BPNT2: variants seen among roughly 807,000 people sequenced by gnomAD.
BPNT2 encodes Golgi-resident adenosine 3',5'-bisphosphate 3'-phosphatase.
Under a neutral mutation model 29.3 loss-of-function variants are expected in BPNT2, and 11 were observed. The ratio of observed to expected loss-of-function variants is 0.38; its 90% CI spans 0.24 to 0.62. The LOEUF (loss-of-function observed/expected upper bound fraction) is 0.62, where lower values mean the gene tolerates loss of function less well. Ranked by LOEUF, BPNT2 falls within the 20% of genes least tolerant of loss-of-function variation. The probability of loss-of-function intolerance (pLI) is 0.62; values close to 1 mark genes in which losing one functional copy is unlikely to be tolerated. For synonymous variants in BPNT2, 195 were observed against 187.7 expected (o/e 1.04, Z -0.32); for missense variants, 459 against 473.4 (o/e 0.97, Z 0.28).
chr8:56,978,849 T>G (rs1806191878), intron 2 of BPNT2, among the ~76,000 whole-genome samples: 2 of 152,054 alleles, frequency 1.3e-5, no homozygotes, highest in South Asian at 4.1e-4. Flanking sequence ...TGAGAACACA[T>G]GGACACATAG....
In BPNT2 at chr8:56,967,372, A is replaced by G. The variant is rs117393807; in HGVS notation, c.647-1020T>C. Among the ~76,000 whole-genome samples, 106 of 152,316 alleles carry G rather than the reference A, an allele frequency of 7.0e-4. 1 individual carries two copies. The East Asian group carries it at 0.017, about 24-fold the overall frequency. Reference sequence around the variant, plus strand: ...AGAAATACCCATGCTCTGTACCTACAGAGTAAGTAGGAGACAGAAGAGAGC... The same window carrying G: ...AGAAATACCCATGCTCTGTACCTACGGAGTAAGTAGGAGACAGAAGAGAGC... On this transcript the variant is annotated intron_variant, in intron 3 of 4. Transcript: ENST00000262644.
intron 3 of BPNT2, among the ~76,000 whole-genome samples, chr8:56,971,773 T>A: frequency 9.2e-6 from 1 of 108,488 alleles, no homozygotes; most frequent in South Asian, 3.3e-4. Flanking sequence ...ACTGAAATAA[T>A]TTTGTACCAC....
intron 1 of BPNT2, among the ~76,000 whole-genome samples, chr8:56,988,711 A>G (rs562988491): frequency 1.3e-5 from 2 of 152,298 alleles, no homozygotes; most frequent in African/African-American, 2.4e-5. Flanking sequence ...GTTTCTTCAG[A>G]CCTTCAGACT....
chr8:56,985,915 T>C (rs545683826), intron 1 of BPNT2, among the ~76,000 whole-genome samples: 41 of 152,364 alleles, frequency 2.7e-4, no homozygotes, highest in Non-Finnish European at 3.8e-4. Context: ...CATCACTTTC[T>C]GGCTTAGGCA....
chr8:56,986,191 CAATTT>C (rs771714830), intron 1 of BPNT2, among the ~76,000 whole-genome samples: 49 of 152,136 alleles, frequency 3.2e-4, no homozygotes, highest in Non-Finnish European at 6.5e-4. Context: ...ACGTGTGAAT[CAATTT>C]AATTTGAGTC....
At chr8:56,976,966 T>C (rs772644491) in intron 3 of BPNT2, among the ~76,000 whole-genome samples, 11 of 152,192 alleles carry the variant, frequency 7.2e-5, no homozygotes, top group Non-Finnish European at 1.5e-4. Context: ...AATTCCATAC[T>C]GGACCTCATG....
intron 3 of BPNT2, among the ~76,000 whole-genome samples, chr8:56,972,263 G>A (rs1806050535): frequency 6.6e-6 from 1 of 151,812 alleles, no homozygotes; most frequent in African/African-American, 2.4e-5. Context: ...TAACACCCAT[G>A]AGACTCATTT....
intron 1 of BPNT2, among the ~76,000 whole-genome samples, chr8:56,992,071 G>GA (rs1806425235): frequency 6.6e-6 from 1 of 152,080 alleles, no homozygotes; most frequent in Non-Finnish European, 1.5e-5. Flanking sequence ...GAAAAGGGAG[G>GA]AAGAGAGGAG....
chr8:56,972,115 C>T (rs955762479), intron 3 of BPNT2, among the ~76,000 whole-genome samples: 6 of 151,616 alleles, frequency 4.0e-5, no homozygotes, highest in African/African-American at 7.3e-5. Context: ...AGAAACCCTA[C>T]GTGATGTAAT....
In BPNT2 at chr8:56,961,345, T is replaced by C. The variant is rs557741688; in HGVS notation, c.*2448A>G. 10 of 152,286 alleles carry C rather than the reference T, an allele frequency of 6.6e-5. No homozygotes were observed. The highest frequency in any genetic ancestry group is 2.4e-4 in the African/African-American group (10 of 41,568). 9.4% of individuals were successfully genotyped at this position (152,286 alleles called of 1,614,324 possible). A position where few individuals can be genotyped will look rare whatever the true frequency, so the allele number is the denominator to read the frequency against. ...GCTATGGCACAATGTCTTGTGTAAA[T>C]AAATATAAATACTGTTCCTAATTCT... On this transcript the variant is annotated 3_prime_UTR_variant, in exon 5 of 5. Transcript: ENST00000262644.
At chr8:56,978,339 G>A (rs574515933) in intron 2 of BPNT2, among the ~76,000 whole-genome samples, 194 bp from the exon 3 acceptor site, 4 of 152,228 alleles carry the variant, frequency 2.6e-5, no homozygotes, top group East Asian at 1.9e-4. Context: ...TCTGGTTCAC[G>A]ATGAGATACC....
Position 56,993,840 on chromosome 8 carries a change from C to T in BPNT2, c.-255G>A, listed in dbSNP as rs1806463727. 3.8e-6 allele frequency: 1 copy of T among 259,916 alleles called. No homozygotes were observed. The highest frequency in any genetic ancestry group is 6.0e-6 in the Non-Finnish European group (1 of 165,550). 16.1% of individuals were successfully genotyped at this position (259,916 alleles called of 1,614,324 possible). A position where few individuals can be genotyped will look rare whatever the true frequency, so the allele number is the denominator to read the frequency against. ...TTCTTCCGCCGGCCGGCTGGTCCGA[C>T]TTCCACGTTAGCCTACGGCCGCGAG... On this transcript the variant is annotated 5_prime_UTR_variant, in exon 1 of 5. Transcript: ENST00000262644.
chr8:56,966,735 C>T (rs1805959722), intron 3 of BPNT2, among the ~76,000 whole-genome samples: 1 of 152,198 alleles, frequency 6.6e-6, no homozygotes, highest in African/African-American at 2.4e-5. Flanking sequence ...CTAATAAACA[C>T]CCTGAAGCTA....
chr8:56,965,533 TAAG>T (rs1805930134), intron 4 of BPNT2, among the ~76,000 whole-genome samples: 1 of 152,204 alleles, frequency 6.6e-6, no homozygotes, highest in South Asian at 2.1e-4. Context: ...CTTACAGGGT[TAAG>T]ATGAGAATCT....
chr8:56,980,888 T>C (rs771161479), intron 1 of BPNT2, among the ~76,000 whole-genome samples: 2 of 150,242 alleles, frequency 1.3e-5, no homozygotes, highest in South Asian at 2.1e-4. Flanking sequence ...CTCTGTATAA[T>C]ATATATTATA....
At chr8:56,965,199 G>C (rs1805919611) in intron 4 of BPNT2, among the ~76,000 whole-genome samples, 1 of 151,980 alleles carries the variant, frequency 6.6e-6, no homozygotes, top group Non-Finnish European at 1.5e-5. Flanking sequence ...CATGCCTGTA[G>C]TCCCAGCTAC....
rs370198289 is a variant in BPNT2, at chr8:56,963,938, C to T, written c.935G>A (p.Gly312Glu). The T allele has an allele frequency of 3.7e-6, 6 of 1,613,906 alleles. No individual in the cohort carries two copies. The African/African-American group carries it at 4.0e-5, about 11-fold the overall frequency. ...CAGNAILKALGGHMTTLSGEE... is the reference protein window; with the variant it reads ...CAGNAILKALEGHMTTLSGEE... ...ACCACTCAGGGTAGTCATATGCCCC[C>T]CTAGGGCTTTTAAGATGGCATTACC... The change falls in exon 5 of 5, where the codon GGG becomes GAG. Residue 312 changes from glycine to glutamate, a missense_variant. Physicochemically the swap from Gly to Glu is moderately conservative, Grantham distance 98. Transcript: ENST00000262644.
intron 3 of BPNT2, among the ~76,000 whole-genome samples, chr8:56,971,758 G>GT (rs1292066077): frequency 7.4e-6 from 1 of 135,896 alleles, no homozygotes; most frequent in African/African-American, 2.8e-5. Flanking sequence ...ATTATAGTAT[G>GT]TATTACTGAA....
At chr8:56,971,349 AT>A (rs1411888217) in intron 3 of BPNT2, among the ~76,000 whole-genome samples, 1 of 151,904 alleles carries the variant, frequency 6.6e-6, no homozygotes, top group Non-Finnish European at 1.5e-5. Flanking sequence ...AGAAATAACA[AT>A]TTATTATTAA....
Sources: allele counts gnomAD v4.1 joint callset (sites outside exome capture counted in the v4.1 genomes callset), GRCh38; gene constraint gnomAD v4.1.1; transcripts MANE v1.5; gene names NCBI Gene and HGNC (gene_info 2026-07-23, HGNC 2026-07-21).